The following CSNK1D variants were observed in gnomAD, a reference collection of about 807,000 sequenced individuals.
The protein encoded by CSNK1D is casein kinase 1 delta, also known as casein kinase I isoform delta.
Under a neutral mutation model 46.6 loss-of-function variants are expected in CSNK1D, and 16 were observed. The ratio of observed to expected loss-of-function variants is 0.34; its 90% CI spans 0.23 to 0.52. The LOEUF is 0.52. Among genes scored for constraint, CSNK1D ranks in the 20% least tolerant of loss-of-function variants. The pLI is 0.95. For synonymous variants in CSNK1D, 276 were observed against 228.2 expected, an observed-to-expected ratio of 1.21 and a Z score of -1.89; for missense variants, 398 against 578.4, an observed-to-expected ratio of 0.69 and a Z score of 3.20.
In CSNK1D at chr17:82,249,820, GA is replaced by G. The variant is rs917381327; in HGVS notation, c.886-219del. On this transcript the variant is annotated intron_variant, in intron 6 of 8. Transcript: ENST00000314028. This position sits in a 1 kb window ranked among gnomAD's most constrained non-coding sequence, Gnocchi z 6.7. ...AGGCCTCTCAGCTCCCCCAACAATC[GA>G]AAAAACCCCACTCGCCATGGCATCT... 129 of 1,433,074 alleles carry G rather than the reference GA, an allele frequency of 9.0e-5. No individual in the cohort carries two copies. The African/African-American group carries it at 1.8e-3, about 20-fold the overall frequency. 88.8% of individuals were successfully genotyped at this position (1,433,074 alleles called of 1,614,324 possible).
chr17:82,263,929 T>C (rs1048650966), intron 2 of CSNK1D, among the ~76,000 whole-genome samples: 1 of 152,192 alleles, frequency 6.6e-6, no homozygotes, highest in African/African-American at 2.4e-5. Context: ...GGGTTGGTGA[T>C]GGGATTTTTC....
rs776187284 is a variant in CSNK1D at position 82,250,415 on chromosome 17, G to C, written c.886-813C>G. On this transcript the variant is annotated intron_variant, in intron 6 of 8. Coordinates refer to ENST00000314028, the MANE Select transcript of CSNK1D (RefSeq NM_001893.6). The surrounding 1 kb of genome is among the most constrained non-coding windows in gnomAD (Gnocchi z 4.6). Reference sequence around the variant, plus strand: ...AACGCTGGCCTAGCCTGCTCTGAGGGCCGGGTGACTCTAATGCCGCAGGAG... The same window carrying C: ...AACGCTGGCCTAGCCTGCTCTGAGGCCCGGGTGACTCTAATGCCGCAGGAG... 1.1e-5 allele frequency: 4 copies of C among 356,552 alleles called. No individual in the cohort carries two copies. The highest frequency in any genetic ancestry group is 2.2e-5 in the Non-Finnish European group (4 of 180,594). 22.1% of individuals were successfully genotyped at this position (356,552 alleles called of 1,614,324 possible).
rs779169059 is a variant in CSNK1D at position 82,273,283 on chromosome 17, G to A, written c.76+23C>T. 2.5e-6 allele frequency: 4 copies of A among 1,596,962 alleles called. No individual in the cohort carries two copies. The highest frequency in any genetic ancestry group is 3.4e-6 in the Non-Finnish European group (4 of 1,173,390). ...CGCAGGGCCCGGGTCTTCGGGCGGC[G>A]GGCGGGGGCGGCGGGGCCTCACCGA... On this transcript the variant is annotated intron_variant, in intron 1 of 8. Transcript: ENST00000314028. This position sits in a 1 kb window ranked among gnomAD's most constrained non-coding sequence, Gnocchi z 5.1.
At chr17:82,266,494 G>C (rs2051471781) in intron 1 of CSNK1D, among the ~76,000 whole-genome samples, 1 of 152,186 alleles carries the variant, frequency 6.6e-6, no homozygotes, top group Non-Finnish European at 1.5e-5. Context: ...CTAATACCAT[G>C]ACGATCGGAC....
In CSNK1D at chr17:82,248,317, T is replaced by C. The variant is rs536692730; in HGVS notation, c.1197+558A>G. ...CCGCTGCAGGATGCTGAAGAGGCGG[T>C]GGCCGTGGCTAGGCCTGGGCTGCGC... On this transcript the variant is annotated intron_variant, in intron 8 of 8. Transcript: ENST00000314028. This position sits in a 1 kb window ranked among gnomAD's most constrained non-coding sequence, Gnocchi z 4.1. 2 of 989,558 alleles carry C rather than the reference T, an allele frequency of 2.0e-6. No individual in the cohort carries two copies. The highest frequency in any genetic ancestry group is 2.4e-6 in the Non-Finnish European group (2 of 832,276). The allele number at this position is 989,558 out of a possible 1,614,324, so 61.3% of individuals were successfully genotyped here. A position where few individuals can be genotyped will look rare whatever the true frequency, so the allele number is the denominator to read the frequency against.
At chr17:82,239,459 C>T (rs1048189010), downstream of CSNK1D, 6 of 167,966 alleles carry the variant, frequency 3.6e-5, no homozygotes, top group Non-Finnish European at 7.6e-5. Flanking sequence ...AATAAACCTG[C>T]GTGTGGGTGG....
At chr17:82,242,258 G>A (rs937121321), downstream of CSNK1D, among the ~76,000 whole-genome samples, 9 of 152,052 alleles carry the variant, frequency 5.9e-5, no homozygotes, top group African/African-American at 2.2e-4. Flanking sequence ...CCTGTGCAGG[G>A]CCATCGGGCA....
chr17:82,264,118 A>C (rs1399590692), intron 2 of CSNK1D, among the ~76,000 whole-genome samples: 1 of 152,222 alleles, frequency 6.6e-6, no homozygotes, highest in Non-Finnish European at 1.5e-5. Flanking sequence ...AAAAGATGTC[A>C]AAGAATCAAA....
Position 82,249,435 on chromosome 17 carries a change from G to T in CSNK1D, c.1053C>A (p.His351Gln). ...APPTPLTPTS[H>Q]TANTSPRPVS... ...CGCTGGGAGGGGGGCACTCACCCGT[G>T]TGTGAGGTAGGGGTGAGGGGTGTGG... The change falls in exon 7 of 9, where the codon CAC (histidine) becomes CAA (glutamine). Residue 351 changes from histidine to glutamine, a missense_variant. Physicochemically the swap from His to Gln is conservative, Grantham distance 24. Coordinates refer to ENST00000314028, the MANE Select transcript of CSNK1D (RefSeq NM_001893.6). The surrounding 1 kb of genome is among the most constrained non-coding windows in gnomAD (Gnocchi z 6.7). The T allele has an allele frequency of 6.5e-7, 1 of 1,536,708 alleles. No homozygotes were observed. The highest frequency in any genetic ancestry group is 1.2e-5 in the South Asian group (1 of 83,954).
chr17:82,268,749 T>C (rs2051542041), intron 1 of CSNK1D, among the ~76,000 whole-genome samples: 1 of 152,164 alleles, frequency 6.6e-6, no homozygotes, highest in Non-Finnish European at 1.5e-5. Context: ...TGGGTATCAG[T>C]TAATGTTAGT....
At chr17:82,258,079 T>A (rs1235458675) in intron 2 of CSNK1D, among the ~76,000 whole-genome samples, 1 of 151,662 alleles carries the variant, frequency 6.6e-6, no homozygotes, top group African/African-American at 2.4e-5. Context: ...TGGTGCTGTG[T>A]GTCTACAGTC....
chr17:82,273,103 C>T lies in CSNK1D; in HGVS notation c.76+203G>A. 1 of 590,788 alleles carries T rather than the reference C, an allele frequency of 1.7e-6. No individual in the cohort carries two copies. Among genetic ancestry groups the T allele is most frequent in the Non-Finnish European group, 3.0e-6 (1 of 335,736 alleles). The allele number at this position is 590,788 out of a possible 1,614,324, so 36.6% of individuals were successfully genotyped here. ...CTGCTCCCCCGACCTGGTCCTGCCC[C>T]TCCCCCACGTCCGCTCCCCACTGCC... On this transcript the variant is annotated intron_variant, in intron 1 of 8. Transcript: ENST00000314028. The surrounding 1 kb of genome is among the most constrained non-coding windows in gnomAD (Gnocchi z 5.1).
At chr17:82,268,775 T>G (rs550908281) in intron 1 of CSNK1D, among the ~76,000 whole-genome samples, 1 of 151,988 alleles carries the variant, frequency 6.6e-6, no homozygotes, top group Non-Finnish European at 1.5e-5. Flanking sequence ...AAAAACAAAA[T>G]TACGTCCCTC....
chr17:82,253,378 G>A (rs147418251), intron 3 of CSNK1D, 134 bp from the exon 4 acceptor site: 4 of 809,612 alleles, frequency 4.9e-6, no homozygotes, highest in African/African-American at 1.7e-5. Context: ...AACAATTAGC[G>A]AGGGGGATGC....
At chr17:82,269,641 G>T (rs2051568335) in intron 1 of CSNK1D, among the ~76,000 whole-genome samples, 1 of 152,236 alleles carries the variant, frequency 6.6e-6, no homozygotes, top group Non-Finnish European at 1.5e-5. Context: ...ATCAAGTACA[G>T]ATGCCAACAG....
Position 82,243,842 on chromosome 17 carries a change from A to C in CSNK1D, c.*939T>G, listed in dbSNP as rs958122653. On this transcript the variant is annotated 3_prime_UTR_variant, in exon 9 of 9. Coordinates refer to ENST00000314028, the MANE Select transcript of CSNK1D (RefSeq NM_001893.6). ...CTACAGTAACCACCTCTCGGTTCAC[A>C]GTCCTCTCCCAAGGGACCAGAAACG... 2 of 985,482 alleles carry C rather than the reference A, an allele frequency of 2.0e-6. No homozygotes were observed. Among genetic ancestry groups the C allele is most frequent in the East Asian group, 1.1e-4 (1 of 8,824 alleles). 61.0% of individuals were successfully genotyped at this position (985,482 alleles called of 1,614,324 possible).
At chr17:82,256,226 A>T (rs1017912174) in intron 2 of CSNK1D, among the ~76,000 whole-genome samples, 3 of 152,338 alleles carry the variant, frequency 2.0e-5, no homozygotes, top group Non-Finnish European at 2.9e-5. Flanking sequence ...ATAAAGGCAC[A>T]CGGGCCAGGT....
chr17:82,242,045 G>C (rs1464717955), downstream of CSNK1D, among the ~76,000 whole-genome samples: 1 of 142,428 alleles, frequency 7.0e-6, no homozygotes, highest in African/African-American at 2.5e-5. Flanking sequence ...CTGGAGTGGA[G>C]AGTACTGGGT....
chr17:82,250,205 C>T lies in CSNK1D; in HGVS notation c.886-603G>A. 1 of 1,289,846 alleles carries T rather than the reference C, an allele frequency of 7.8e-7. No homozygotes were observed. Among genetic ancestry groups the T allele is most frequent in the Non-Finnish European group, 1.0e-6 (1 of 988,870 alleles). The allele number at this position is 1,289,846 out of a possible 1,614,324, so 79.9% of individuals were successfully genotyped here. The stretch of plus-strand genomic sequence containing the variant: ...CTATGAAAAAGCAGATTCTAACTGC[C>T]AATGCTGTGCGGCAGGGGCCTGCAA... On this transcript the variant is annotated intron_variant, in intron 6 of 8. Transcript: ENST00000314028. The surrounding 1 kb of genome is among the most constrained non-coding windows in gnomAD (Gnocchi z 4.6).
Sources: allele counts gnomAD v4.1 joint callset (sites outside exome capture counted in the v4.1 genomes callset), GRCh38; gene constraint gnomAD v4.1.1; non-coding constraint Gnocchi (gnomAD v3.1); transcripts MANE v1.5; gene names NCBI Gene and HGNC (gene_info 2026-07-23, HGNC 2026-07-21).